Variants in TENM3 observed in about 807,000 individuals in gnomAD.
TENM3 encodes teneurin-3.
Under a neutral mutation model 255.1 loss-of-function variants are expected in TENM3, and 63 were observed. The observed-to-expected ratio is 0.25, with a 90% CI of 0.20 to 0.30. The LOEUF (loss-of-function observed/expected upper bound fraction) is 0.30, where lower values mean the gene tolerates loss of function less well. TENM3 is among the 10% of genes least tolerant of loss of function. The pLI is 1.00. For missense variants in TENM3, 2,929 were observed against 3,461.1 expected, an observed-to-expected ratio of 0.85 and a Z score of 3.86; for synonymous variants, 1,306 against 1,322.3, an observed-to-expected ratio of 0.99 and a Z score of 0.27.
At chr4:182,295,157 T>C (rs1178822036) in intron 1 of TENM3, among the ~76,000 whole-genome samples, 1 of 151,988 alleles carries the variant, frequency 6.6e-6, no homozygotes. Context: ...TAATTAAATT[T>C]CCTGGAAAGA....
chr4:181,865,652 C>A, the TENM3 span, among the ~76,000 whole-genome samples: 2 of 152,168 alleles, frequency 1.3e-5, no homozygotes, highest in Non-Finnish European at 2.9e-5. Context: ...ACTCTCTAAG[C>A]TTTTTAGCAC....
At chr4:182,182,106 C>A (rs1022984027) in intron 1 of TENM3, among the ~76,000 whole-genome samples, 6 of 151,828 alleles carry the variant, frequency 4.0e-5, no homozygotes, top group Non-Finnish European at 1.5e-5. Context: ...CTGCAGTGTC[C>A]AACTGGATGG....
At chr4:181,919,987 G>T in the TENM3 span, among the ~76,000 whole-genome samples, 1 of 146,850 alleles carries the variant, frequency 6.8e-6, no homozygotes, top group African/African-American at 2.5e-5. Flanking sequence ...TGCAGTGTTT[G>T]GTTTTTTGTT....
chr4:181,513,324 TA>T, the TENM3 span, among the ~76,000 whole-genome samples: 2 of 152,208 alleles, frequency 1.3e-5, no homozygotes, highest in African/African-American at 4.8e-5. Flanking sequence ...TACAGGCTTT[TA>T]AAAATATTTT....
At chr4:181,764,274 A>G in the TENM3 span, among the ~76,000 whole-genome samples, 3 of 152,168 alleles carry the variant, frequency 2.0e-5, no homozygotes, top group Non-Finnish European at 4.4e-5. Flanking sequence ...TTGTTGTTGC[A>G]TGGTTGGCAA....
chr4:182,131,305 G>C, the TENM3 span, among the ~76,000 whole-genome samples: 1 of 152,092 alleles, frequency 6.6e-6, no homozygotes, highest in East Asian at 1.9e-4. Flanking sequence ...AGCAAAATAC[G>C]TTTCGCCACA....
chr4:181,692,512 T>A, the TENM3 span, among the ~76,000 whole-genome samples: 1 of 152,210 alleles, frequency 6.6e-6, no homozygotes, highest in Admixed American at 6.5e-5. Context: ...CACTTATGTT[T>A]CCTCATTGAT....
chr4:181,788,980 A>T, the TENM3 span, among the ~76,000 whole-genome samples: 1 of 152,144 alleles, frequency 6.6e-6, no homozygotes, highest in Non-Finnish European at 1.5e-5. Flanking sequence ...GCAAACTCCA[A>T]CCATTGCTAA....
At chr4:182,077,698 A>C in the TENM3 span, among the ~76,000 whole-genome samples, 1 of 152,210 alleles carries the variant, frequency 6.6e-6, no homozygotes, top group East Asian at 1.9e-4. Flanking sequence ...TGGCAATCTA[A>C]GCAGACAGAG....
chr4:182,676,716 A>T (rs1451735504), intron 7 of TENM3, among the ~76,000 whole-genome samples: 1 of 152,260 alleles, frequency 6.6e-6, no homozygotes, highest in Non-Finnish European at 1.5e-5. Context: ...AAACATGGGC[A>T]AACTTTTCTT....
the TENM3 span, among the ~76,000 whole-genome samples, chr4:181,658,491 T>C: frequency 6.6e-6 from 1 of 152,174 alleles, no homozygotes; most frequent in South Asian, 2.1e-4. Flanking sequence ...CCCGCTGGAC[T>C]CTTCTGGCAC....
intron 1 of TENM3, among the ~76,000 whole-genome samples, chr4:182,264,552 C>T (rs1417301908): frequency 1.3e-5 from 2 of 152,212 alleles, no homozygotes; most frequent in African/African-American, 2.4e-5. Context: ...AAGACAGAGA[C>T]TGTCCTGTGC....
chr4:182,042,907 G>A, the TENM3 span, among the ~76,000 whole-genome samples: 3 of 142,290 alleles, frequency 2.1e-5, no homozygotes, highest in African/African-American at 7.6e-5. Flanking sequence ...GTGTGTGTGT[G>A]TATGAAGCTG....
chr4:182,594,854 G>C (rs1323032769), intron 3 of TENM3, among the ~76,000 whole-genome samples: 4 of 151,920 alleles, frequency 2.6e-5, no homozygotes, highest in Non-Finnish European at 5.9e-5. Flanking sequence ...CAAGTAGCTA[G>C]GATTACAGGC....
the TENM3 span, among the ~76,000 whole-genome samples, chr4:181,813,788 A>G: frequency 6.6e-6 from 1 of 152,208 alleles, no homozygotes; most frequent in East Asian, 1.9e-4. Flanking sequence ...TCTGAGTCTC[A>G]TCTTACGGAG....
At chr4:181,917,571 C>A in the TENM3 span, among the ~76,000 whole-genome samples, 4 of 151,772 alleles carry the variant, frequency 2.6e-5, no homozygotes, top group Non-Finnish European at 5.9e-5. Flanking sequence ...TCTGCACCAG[C>A]ACTCTACACA....
Position 182,743,272 on chromosome 4 carries a change from CCA to C in TENM3, c.3483_3484del (p.Ser1162LeufsTer6). 1.2e-6 allele frequency: 2 copies of C among 1,614,032 alleles called. No individual in the cohort carries two copies. Among genetic ancestry groups the C allele is most frequent in the Non-Finnish European group, 1.7e-6 (2 of 1,179,900 alleles). On this transcript the variant is annotated frameshift_variant, in exon 19 of 28. Coordinates refer to ENST00000511685, the MANE Select transcript of TENM3 (RefSeq NM_001080477.4). LOFTEE classifies it high-confidence loss of function. Reference sequence around the variant, plus strand: ...GGGCGAAGGCGCAGCATTTCCTGCCCCAGTTGCAATGGTCAAGCTGATGGTAA... The same window carrying C: ...GGGCGAAGGCGCAGCATTTCCTGCCCGTTGCAATGGTCAAGCTGATGGTAA...
At chr4:181,663,676 T>A in the TENM3 span, among the ~76,000 whole-genome samples, 1 of 152,176 alleles carries the variant, frequency 6.6e-6, no homozygotes, top group Admixed American at 6.5e-5. Flanking sequence ...GAAGGAGTTT[T>A]TCTGAGTGAG....
the TENM3 span, among the ~76,000 whole-genome samples, chr4:181,840,784 C>T: frequency 2.0e-5 from 3 of 152,210 alleles, no homozygotes; most frequent in South Asian, 4.1e-4. Context: ...AACCCCTCTA[C>T]TTCTAGAAGA....
Sources: allele counts gnomAD v4.1 joint callset (sites outside exome capture counted in the v4.1 genomes callset), GRCh38; gene constraint gnomAD v4.1.1; transcripts MANE v1.5; gene names NCBI Gene and HGNC (gene_info 2026-07-23, HGNC 2026-07-21).